HIBADH: variants seen among roughly 807,000 people sequenced by gnomAD.
HIBADH encodes 3-hydroxyisobutyrate dehydrogenase, mitochondrial.
A neutral mutation model predicts 36.1 loss-of-function variants in HIBADH; 25 were observed. The ratio of observed to expected loss-of-function variants is 0.69; its 90% CI spans 0.50 to 0.97. The LOEUF (loss-of-function observed/expected upper bound fraction) is 0.97. Among genes scored for constraint, HIBADH ranks in the 50% least tolerant of loss-of-function variants. The probability of loss-of-function intolerance (pLI) is 0.00; values close to 1 mark genes in which losing one functional copy is unlikely to be tolerated. For synonymous variants in HIBADH, 160 were observed against 149.5 expected, an observed-to-expected ratio of 1.07 and a Z score of -0.51; for missense variants, 421 against 418.0, an observed-to-expected ratio of 1.01 and a Z score of -0.06.
chr7:27,535,349 A>C (rs1277426397), intron 6 of HIBADH, among the ~76,000 whole-genome samples: 1 of 152,120 alleles, frequency 6.6e-6, no homozygotes, highest in Non-Finnish European at 1.5e-5. Context: ...ACATCTTCTA[A>C]GGGCAGTATG....
intron 4 of HIBADH, among the ~76,000 whole-genome samples, chr7:27,559,526 G>C (rs1474242895): frequency 6.6e-6 from 1 of 152,122 alleles, no homozygotes; most frequent in Non-Finnish European, 1.5e-5. Context: ...CAGCTTCTTA[G>C]GAGGCTGAAG....
chr7:27,631,591 A>G (rs1017339547), intron 3 of HIBADH, among the ~76,000 whole-genome samples: 1 of 152,240 alleles, frequency 6.6e-6, no homozygotes, highest in African/African-American at 2.4e-5. Flanking sequence ...TCATCCTAAC[A>G]TAACCGCAAG....
chr7:27,654,304 G>A (rs771438595), intron 1 of HIBADH, among the ~76,000 whole-genome samples: 1 of 152,064 alleles, frequency 6.6e-6, no homozygotes, highest in Non-Finnish European at 1.5e-5. Flanking sequence ...AGAGAAGTGG[G>A]GCAGAAAATA....
intron 1 of HIBADH, among the ~76,000 whole-genome samples, chr7:27,654,216 AT>A (rs2128297628): frequency 6.6e-6 from 1 of 152,326 alleles, no homozygotes; most frequent in East Asian, 1.9e-4. Context: ...AATTTAAAAA[AT>A]AAAGAGAGCA....
At chr7:27,662,616 A>G in intron 1 of HIBADH, 82 bp downstream of exon 1, 1 of 908,300 alleles carries the variant, frequency 1.1e-6, no homozygotes, top group Non-Finnish European at 1.5e-6. Flanking sequence ...GGGCCTCCCG[A>G]GAAAAGACTT....
intron 6 of HIBADH, among the ~76,000 whole-genome samples, chr7:27,535,610 CA>C (rs937910594): frequency 6.6e-6 from 1 of 152,046 alleles, no homozygotes; most frequent in Non-Finnish European, 1.5e-5. Flanking sequence ...TACACAGGAA[CA>C]AAACCTCTCT....
chr7:27,619,135 C>T (rs1234308191), intron 4 of HIBADH, among the ~76,000 whole-genome samples: 2 of 152,288 alleles, frequency 1.3e-5, no homozygotes, highest in East Asian at 3.9e-4. Context: ...CACACCACAA[C>T]TTCACCACAG....
chr7:27,570,465 T>C (rs1784612414), intron 4 of HIBADH, among the ~76,000 whole-genome samples: 1 of 152,186 alleles, frequency 6.6e-6, no homozygotes, highest in Non-Finnish European at 1.5e-5. Flanking sequence ...ATGATATTTT[T>C]ACACGATATT....
At chr7:27,574,570 AG>A (rs1784680833) in intron 4 of HIBADH, among the ~76,000 whole-genome samples, 1 of 152,178 alleles carries the variant, frequency 6.6e-6, no homozygotes, top group Admixed American at 6.5e-5. Context: ...CTAAGTACAT[AG>A]ATAGGTTCAG....
chr7:27,563,304 C>G (rs1784494439), intron 4 of HIBADH, among the ~76,000 whole-genome samples: 1 of 152,018 alleles, frequency 6.6e-6, no homozygotes, highest in Non-Finnish European at 1.5e-5. Flanking sequence ...ATCCATTCAC[C>G]CATTGAAGGA....
chr7:27,567,797 T>A (rs1204840684), intron 4 of HIBADH, among the ~76,000 whole-genome samples: 1 of 152,216 alleles, frequency 6.6e-6, no homozygotes, highest in African/African-American at 2.4e-5. Context: ...GTCATCTGTA[T>A]TACATTTACA....
Position 27,526,026 on chromosome 7 carries a change from T to G in HIBADH, c.*188A>C, listed in dbSNP as rs1294625172. On this transcript the variant is annotated 3_prime_UTR_variant, in exon 8 of 8. Transcript: ENST00000265395. ...CTATCAGTGGCTTGCAGAAAAAAAA[T>G]TCGGATAATATGTTTGTTAAAAAGA... 9.5e-6 allele frequency: 4 copies of G among 422,494 alleles called. No individual in the cohort carries two copies. Among genetic ancestry groups the G allele is most frequent in the Non-Finnish European group, 1.6e-5 (4 of 253,110 alleles). The allele number at this position is 422,494 out of a possible 1,614,324, so 26.2% of individuals were successfully genotyped here. A position where few individuals can be genotyped will look rare whatever the true frequency, so the allele number is the denominator to read the frequency against.
intron 2 of HIBADH, among the ~76,000 whole-genome samples, chr7:27,645,369 T>TGTTTTTTTTTG (rs70974487): frequency 2.0e-5 from 1 of 48,840 alleles, no homozygotes; most frequent in African/African-American, 7.9e-5. Context: ...ATGGTTTTGA[T>TGTTTTTTTTTG]TTTTTTTTTT....
In HIBADH at chr7:27,526,378, T is replaced by A; in HGVS notation, c.853-6A>T. On this transcript the variant is annotated splice_polypyrimidine_tract_variant and splice_region_variant and intron_variant, in intron 7 of 7. Coordinates refer to ENST00000265395, the MANE Select transcript of HIBADH (RefSeq NM_152740.4). Reference sequence around the variant, plus strand: ...TCTTGTGCCAATCCCAGATCCTAAATCAAACAGGAGGAGAGAACACGCTGA... The same window carrying A: ...TCTTGTGCCAATCCCAGATCCTAAAACAAACAGGAGGAGAGAACACGCTGA... 1 of 1,607,554 alleles carries A rather than the reference T, an allele frequency of 6.2e-7. No individual in the cohort carries two copies. The highest frequency in any genetic ancestry group is 8.5e-7 in the Non-Finnish European group (1 of 1,176,992).
intron 1 of HIBADH, among the ~76,000 whole-genome samples, chr7:27,660,663 GGAAAAAAAAAAATTTTTTTCAA>G (rs1341229615): frequency 7.1e-6 from 1 of 140,430 alleles, no homozygotes; most frequent in Non-Finnish European, 1.5e-5. Context: ...AGACTCCGAG[GGAAAAAAAAAAATTTTTTTCAA>G]GAGAAAAAAA....
At chr7:27,646,689 A>ATTTTTTTTT (rs34491908) in intron 2 of HIBADH, among the ~76,000 whole-genome samples, 3 of 74,866 alleles carry the variant, frequency 4.0e-5, no homozygotes, top group African/African-American at 5.9e-5. Context: ...CACGCCCAGC[A>ATTTTTTTTT]TTTTTTTTTT....
chr7:27,659,711 G>C (rs975607951), intron 1 of HIBADH, among the ~76,000 whole-genome samples: 1 of 151,850 alleles, frequency 6.6e-6, no homozygotes, highest in Admixed American at 6.6e-5. Context: ...AAGAGAGAGA[G>C]AGAGACCCCA....
At chr7:27,644,754 A>G (rs1786031815) in intron 2 of HIBADH, among the ~76,000 whole-genome samples, 1 of 150,946 alleles carries the variant, frequency 6.6e-6, no homozygotes. Context: ...ACAGAGTGAG[A>G]CTCCATTTAA....
chr7:27,527,918 G>GTTTTTTTTTTTTTTTTT (rs746260280), intron 7 of HIBADH, among the ~76,000 whole-genome samples: 6 of 61,692 alleles, frequency 9.7e-5, no homozygotes, highest in Non-Finnish European at 1.5e-4. Flanking sequence ...CACACCCAGC[G>GTTTTTTTTTTTTTTTTT]TTTTTTTTTT....
Sources: allele counts gnomAD v4.1 joint callset (sites outside exome capture counted in the v4.1 genomes callset), GRCh38; gene constraint gnomAD v4.1.1; transcripts MANE v1.5; gene names NCBI Gene and HGNC (gene_info 2026-07-23, HGNC 2026-07-21).